ISL1: variants seen among roughly 807,000 people sequenced by gnomAD.
ISL1 encodes the protein ISL LIM homeobox 1.
ISL1 carries 4 observed loss-of-function variants against 35.3 expected under a neutral mutation model. That is an observed-to-expected ratio of 0.11 (90% confidence interval 0.06 to 0.26). The LOEUF (loss-of-function observed/expected upper bound fraction) is 0.26. ISL1 is among the 10% of genes least tolerant of loss of function. The probability of loss-of-function intolerance (pLI) is 1.00; values close to 1 mark genes in which losing one functional copy is unlikely to be tolerated. For synonymous variants in ISL1, 186 were observed against 172.3 expected, an observed-to-expected ratio of 1.08 and a Z score of -0.62; for missense variants, 340 against 472.8, an observed-to-expected ratio of 0.72 and a Z score of 2.60.
rs767602480 is a variant in ISL1, at chr5:51,393,528, C to A, written c.968C>A (p.Ser323Tyr). Residue 323 changes from serine to tyrosine, a missense_variant, in exon 6 of 6, where the codon TCC (serine) becomes TAC (tyrosine). Physicochemically the swap from Ser to Tyr is moderately radical, Grantham distance 144. Around this residue, in one of 7 missense-constraint regions of ISL1, gnomAD observed 104 missense variants for 97.3 expected, o/e 1.07. Coordinates refer to ENST00000230658, the MANE Select transcript of ISL1 (RefSeq NM_002202.3). ...TCAGAAGGAGGACCGGGCTCTAATTCCACTGGCAGTGAAGTAGCATCAATG... is the reference window on the plus strand; with the variant it reads ...TCAGAAGGAGGACCGGGCTCTAATTACACTGGCAGTGAAGTAGCATCAATG... ...NFSEGGPGSNSTGSEVASMSS... is the reference protein window; with the variant it reads ...NFSEGGPGSNYTGSEVASMSS... 6.2e-7 allele frequency: 1 copy of A among 1,613,796 alleles called. No individual in the cohort carries two copies. The highest frequency in any genetic ancestry group is 1.7e-5 in the Admixed American group (1 of 60,028).
rs1240613489 is a variant in ISL1 at position 51,383,456 on chromosome 5, C to T, written c.-216C>T. ...GGTGCCCGAGCCGCGCCGAGTCTGC[C>T]GCCGCCGCAGCGCCTCCGCTCCGCC... is the stretch of plus-strand genomic sequence containing the variant. On this transcript the variant is annotated 5_prime_UTR_variant, in exon 1 of 6. Transcript: ENST00000230658. 3.2e-6 allele frequency: 2 copies of T among 616,856 alleles called. No homozygotes were observed. Among genetic ancestry groups the T allele is most frequent in the South Asian group, 3.9e-5 (2 of 51,762 alleles). 38.2% of individuals were successfully genotyped at this position (616,856 alleles called of 1,614,324 possible). A position where few individuals can be genotyped will look rare whatever the true frequency, so the allele number is the denominator to read the frequency against.
rs1293624499 is a variant in ISL1 at position 51,390,670 on chromosome 5, T to C, written c.766-604T>C. ...TTTTTTTTTTTTTTTTTTTTTTTTT[T>C]TTTTTTTTTTACTGCTTTGGACCTA... On this transcript the variant is annotated intron_variant, in intron 4 of 5. Transcript: ENST00000230658. Among the ~76,000 whole-genome samples, 6 of 134,136 alleles carry C rather than the reference T, an allele frequency of 4.5e-5. No homozygotes were observed. The South Asian group carries it at 1.0e-3, about 23-fold the overall frequency. 88.0% of individuals were successfully genotyped at this position (134,136 alleles called of 152,430 possible).
intron 5 of ISL1, among the ~76,000 whole-genome samples, chr5:51,393,152 T>C (rs1322542676): frequency 6.6e-6 from 1 of 152,222 alleles, no homozygotes; most frequent in Non-Finnish European, 1.5e-5. Flanking sequence ...GGGCAACATG[T>C]AGCCAGCAGG....
rs372119962 is a variant in ISL1 at position 51,391,394 on chromosome 5, G to C, written c.886G>C (p.Asp296His). The C allele has an allele frequency of 6.2e-7, 1 of 1,614,190 alleles. No homozygotes were observed. The highest frequency in any genetic ancestry group is 8.5e-7 in the Non-Finnish European group (1 of 1,180,048). Reference sequence around the variant, plus strand: ...CCAGCCACCTTGGAAAGTACTGAGCGACTTCGCCTTGCAGAGTGACATAGA... The same window carrying C: ...CCAGCCACCTTGGAAAGTACTGAGCCACTTCGCCTTGCAGAGTGACATAGA... ...SYQPPWKVLSDFALQSDIDQP... is the reference protein window; with the variant it reads ...SYQPPWKVLSHFALQSDIDQP... Residue 296 changes from aspartate to histidine, a missense_variant, in exon 5 of 6, where the codon GAC becomes CAC. Coordinates refer to ENST00000230658, the MANE Select transcript of ISL1 (RefSeq NM_002202.3).
intron 4 of ISL1, 64 bp from the exon 5 acceptor site, chr5:51,391,210 A>G (rs1480514227): frequency 6.4e-7 from 1 of 1,558,770 alleles, no homozygotes; most frequent in Non-Finnish European, 8.8e-7. Context: ...TAGCCTGTGC[A>G]GACAACGGAG....
chr5:51,387,839 G>T lies in ISL1; in HGVS notation c.478+90G>T, dbSNP rs1394275050. On this transcript the variant is annotated intron_variant, in intron 3 of 5. Coordinates refer to ENST00000230658, the MANE Select transcript of ISL1 (RefSeq NM_002202.3). The surrounding 1 kb of genome is among the most constrained non-coding windows in gnomAD (Gnocchi z 4.3). ...CAACAACTATGGTAGCTACAGGGGT[G>T]GTCGTAGTGTTTGCCTGCAGTTAAA... 16 of 1,527,904 alleles carry T rather than the reference G, an allele frequency of 1.0e-5. 1 individual carries two copies. The South Asian group carries it at 1.9e-4, about 18-fold the overall frequency. The allele number at this position is 1,527,904 out of a possible 1,614,324, so 94.6% of individuals were successfully genotyped here. A position where few individuals can be genotyped will look rare whatever the true frequency, so the allele number is the denominator to read the frequency against.
chr5:51,394,302 G>A lies in ISL1; in HGVS notation c.*692G>A, dbSNP rs1747585923. 1 of 152,602 alleles carries A rather than the reference G, an allele frequency of 6.6e-6. No homozygotes were observed. 9.5% of individuals were successfully genotyped at this position (152,602 alleles called of 1,614,324 possible). ...TCAGATTTAAAAACCAACTTATAAA[G>A]CATTGCAACAAGGTTACCTCTATTT... On this transcript the variant is annotated 3_prime_UTR_variant, in exon 6 of 6. Coordinates refer to ENST00000230658, the MANE Select transcript of ISL1 (RefSeq NM_002202.3).
chr5:51,387,510 C>G lies in ISL1; in HGVS notation c.239C>G (p.Ala80Gly). 6.2e-7 allele frequency: 1 copy of G among 1,614,154 alleles called. No homozygotes were observed. Among genetic ancestry groups the G allele is most frequent in the Non-Finnish European group, 8.5e-7 (1 of 1,180,022 alleles). Reference sequence around the variant, plus strand: ...CACAGGTTGTACGGGATCAAATGCGCCAAGTGCAGCATCGGCTTCAGCAAG... The same window carrying G: ...CACAGGTTGTACGGGATCAAATGCGGCAAGTGCAGCATCGGCTTCAGCAAG... ...DYIRLYGIKCAKCSIGFSKND... is the reference protein window; with the variant it reads ...DYIRLYGIKCGKCSIGFSKND... The change falls in exon 3 of 6, where the codon GCC becomes GGC. Residue 80 changes from alanine to glycine, a missense_variant. This residue lies in a region of ISL1 where 70 missense variants were observed against 130.3 expected (regional missense o/e 0.54). Coordinates refer to ENST00000230658, the MANE Select transcript of ISL1 (RefSeq NM_002202.3). The surrounding 1 kb of genome is among the most constrained non-coding windows in gnomAD (Gnocchi z 4.3).
rs568990139 is a variant in ISL1, at chr5:51,388,531, A to T, written c.478+782A>T. ...GGATTTGTATCATGTAGATAAGAGG[A>T]CTCATTCCCAAGGAAGAGGAGTGGA... On this transcript the variant is annotated intron_variant, in intron 3 of 5. Transcript: ENST00000230658. 3.3e-5 allele frequency among the ~76,000 whole-genome samples: 5 copies of T among 152,208 alleles called. No homozygotes were observed. In the East Asian group the frequency reaches 9.7e-4, roughly 29 times the overall value.
rs1244715499 is a variant in ISL1, at chr5:51,386,324, CAT to C, written c.219-1165_219-1164del. 2.6e-5 allele frequency: 7 copies of C among 272,224 alleles called. No homozygotes were observed. In the East Asian group the frequency reaches 2.9e-4, roughly 11 times the overall value. The allele number at this position is 272,224 out of a possible 1,614,324, so 16.9% of individuals were successfully genotyped here. On this transcript the variant is annotated intron_variant, in intron 2 of 5. Coordinates refer to ENST00000230658, the MANE Select transcript of ISL1 (RefSeq NM_002202.3). Reference sequence around the variant, plus strand: ...GCATGTGCCTAATTCTGGATACACACATGTGTAGAAGGAACTAATCATTTTTA... The same window carrying C: ...GCATGTGCCTAATTCTGGATACACACGTGTAGAAGGAACTAATCATTTTTA...
In ISL1 at chr5:51,389,555, G is replaced by T. The variant is rs927408779; in HGVS notation, c.479-91G>T. 28 of 1,121,638 alleles carry T rather than the reference G, an allele frequency of 2.5e-5. No individual in the cohort carries two copies. Among genetic ancestry groups the T allele is most frequent in the Non-Finnish European group, 2.8e-5 (24 of 863,178 alleles). The allele number at this position is 1,121,638 out of a possible 1,614,324, so 69.5% of individuals were successfully genotyped here. A position where few individuals can be genotyped will look rare whatever the true frequency, so the allele number is the denominator to read the frequency against. On this transcript the variant is annotated intron_variant, in intron 3 of 5. Coordinates refer to ENST00000230658, the MANE Select transcript of ISL1 (RefSeq NM_002202.3). This position sits in a 1 kb window ranked among gnomAD's most constrained non-coding sequence, Gnocchi z 5.0. ...CGAGCAAGTAAGCGGGCGGGCGGGC[G>T]GGCAAGCGAGCGAGCGAGCGAGCGC...
Position 51,389,544 on chromosome 5 carries a change from GGCGGGCGGGCGGGCAAGCGAGCGA to G in ISL1, c.479-98_479-75del. ...TCTCGGGCGGGCGAGCAAGTAAGCGGGCGGGCGGGCGGGCAAGCGAGCGAGCGAGCGAGCGCGCGACCGCGGGCG... is the reference window on the plus strand; with the variant it reads ...TCTCGGGCGGGCGAGCAAGTAAGCGGGCGAGCGAGCGCGCGACCGCGGGCG... On this transcript the variant is annotated intron_variant, in intron 3 of 5. Coordinates refer to ENST00000230658, the MANE Select transcript of ISL1 (RefSeq NM_002202.3). This position sits in a 1 kb window ranked among gnomAD's most constrained non-coding sequence, Gnocchi z 5.0. 1 of 1,032,148 alleles carries G rather than the reference GGCGGGCGGGCGGGCAAGCGAGCGA, an allele frequency of 9.7e-7. No individual in the cohort carries two copies. Among genetic ancestry groups the G allele is most frequent in the South Asian group, 2.3e-5 (1 of 43,134 alleles). The allele number at this position is 1,032,148 out of a possible 1,614,324, so 63.9% of individuals were successfully genotyped here.
intron 1 of ISL1, 102 bp from the exon 2 acceptor site, chr5:51,384,439 A>AAAGAAAG: frequency 1.9e-6 from 2 of 1,056,374 alleles, no homozygotes; most frequent in Non-Finnish European, 2.8e-6. Context: ...AAGAAAGAAA[A>AAAGAAAG]AAACCTCCCA....
At chr5:51,383,920 C>T (rs1747275158) in intron 1 of ISL1, among the ~76,000 whole-genome samples, 1 of 151,920 alleles carries the variant, frequency 6.6e-6, no homozygotes, top group Non-Finnish European at 1.5e-5. Context: ...GCCTGTGTGC[C>T]CTCCAAAGCT....
chr5:51,384,439 A>G (rs4151675), intron 1 of ISL1, 102 bp from the exon 2 acceptor site: 150 of 1,056,368 alleles, frequency 1.4e-4, no homozygotes, highest in East Asian at 8.0e-4. Flanking sequence ...AAGAAAGAAA[A>G]AAACCTCCCA....
chr5:51,393,671 C>G lies in ISL1; in HGVS notation c.*61C>G. ...GAAAGTGGGAAATTATAATGTCGAA[C>G]TCTGAAACAAAAGTATTTAACGACC... On this transcript the variant is annotated 3_prime_UTR_variant, in exon 6 of 6. Coordinates refer to ENST00000230658, the MANE Select transcript of ISL1 (RefSeq NM_002202.3). 1.9e-6 allele frequency: 2 copies of G among 1,043,760 alleles called. No individual in the cohort carries two copies. Among genetic ancestry groups the G allele is most frequent in the South Asian group, 1.3e-5 (1 of 79,834 alleles). 64.7% of individuals were successfully genotyped at this position (1,043,760 alleles called of 1,614,324 possible).
At position 51,387,342 on chromosome 5, in the gene ISL1, T is replaced by C; in HGVS notation, c.219-148T>C. ...GAGCAGGGTTTCATTTCTGTCCTTC[T>C]GTTTCCAACTTCTGTTTGGAAATGC... On this transcript the variant is annotated intron_variant, in intron 2 of 5. Coordinates refer to ENST00000230658, the MANE Select transcript of ISL1 (RefSeq NM_002202.3). This position sits in a 1 kb window ranked among gnomAD's most constrained non-coding sequence, Gnocchi z 4.3. 4.9e-6 allele frequency: 4 copies of C among 823,772 alleles called. No homozygotes were observed. Among genetic ancestry groups the C allele is most frequent in the Non-Finnish European group, 8.0e-6 (4 of 500,360 alleles). 51.0% of individuals were successfully genotyped at this position (823,772 alleles called of 1,614,324 possible). A position where few individuals can be genotyped will look rare whatever the true frequency, so the allele number is the denominator to read the frequency against.
intron 2 of ISL1, among the ~76,000 whole-genome samples, chr5:51,385,259 G>T (rs186367078): frequency 6.6e-6 from 1 of 152,162 alleles, no homozygotes; most frequent in Non-Finnish European, 1.5e-5. Context: ...TATTTTTGGG[G>T]TAAGACCTCC....
Position 51,389,521 on chromosome 5 carries a change from T to TCGGG in ISL1, c.479-118_479-115dup. On this transcript the variant is annotated intron_variant, in intron 3 of 5. Transcript: ENST00000230658. The surrounding 1 kb of genome is among the most constrained non-coding windows in gnomAD (Gnocchi z 5.0). ...AACCCTAGCCATTGTCCTGAGTATC[T>TCGGG]CGGGCGGGCGAGCAAGTAAGCGGGC... The TCGGG allele has an allele frequency of 1.2e-6, 1 of 808,730 alleles. No homozygotes were observed. Among genetic ancestry groups the TCGGG allele is most frequent in the Non-Finnish European group, 1.7e-6 (1 of 589,846 alleles). The allele number at this position is 808,730 out of a possible 1,614,324, so 50.1% of individuals were successfully genotyped here. A position where few individuals can be genotyped will look rare whatever the true frequency, so the allele number is the denominator to read the frequency against.
Sources: allele counts gnomAD v4.1 joint callset (sites outside exome capture counted in the v4.1 genomes callset), GRCh38; gene constraint gnomAD v4.1.1; regional missense constraint gnomAD v4.1.1; non-coding constraint Gnocchi (gnomAD v3.1); transcripts MANE v1.5; gene names NCBI Gene and HGNC (gene_info 2026-07-23, HGNC 2026-07-21).